GALNT13: variants seen among roughly 807,000 people sequenced by gnomAD.
GALNT13 encodes UDP-GalNAc:polypeptide N-acetylgalactosaminyltransferase 13.
In GALNT13, 28 loss-of-function variants were observed where a neutral mutation model predicts 64.2. The ratio of observed to expected loss-of-function variants is 0.44; its 90% CI spans 0.32 to 0.60. The LOEUF (loss-of-function observed/expected upper bound fraction) is 0.60, where lower values mean the gene tolerates loss of function less well. GALNT13 is among the 20% of genes least tolerant of loss of function. The probability of loss-of-function intolerance (pLI) is 0.05; values close to 1 mark genes in which losing one functional copy is unlikely to be tolerated. For missense variants in GALNT13, 577 were observed against 669.8 expected (o/e 0.86, Z 1.53); for synonymous variants, 214 against 224.6 (o/e 0.95, Z 0.42).
chr2:153,241,657 A>ATG, the GALNT13 span, among the ~76,000 whole-genome samples: 42,116 of 150,684 alleles, frequency 0.28, 5,973 homozygotes, highest in Middle Eastern at 0.36. Flanking sequence ...CTGTGTGTGT[A>ATG]TGTGTATGTG....
chr2:154,332,427 A>C (rs1039199992), intron 9 of GALNT13, among the ~76,000 whole-genome samples: 2 of 151,908 alleles, frequency 1.3e-5, no homozygotes, highest in East Asian at 3.9e-4. Flanking sequence ...CTATCCCACA[A>C]AAAAAAATTG....
At chr2:153,188,048 A>G in the GALNT13 span, among the ~76,000 whole-genome samples, 5 of 152,020 alleles carry the variant, frequency 3.3e-5, no homozygotes, top group African/African-American at 1.2e-4. Context: ...GTAATAAAAT[A>G]AAACTTTTTT....
chr2:153,692,815 A>G, the GALNT13 span, among the ~76,000 whole-genome samples: 1 of 152,162 alleles, frequency 6.6e-6, no homozygotes, highest in South Asian at 2.1e-4. Flanking sequence ...TTGAAAATGA[A>G]CAGGTTTCCT....
At chr2:154,404,247 G>A (rs1699427477) in intron 10 of GALNT13, among the ~76,000 whole-genome samples, 1 of 152,180 alleles carries the variant, frequency 6.6e-6, no homozygotes, top group Non-Finnish European at 1.5e-5. Context: ...AAATAGGATA[G>A]GCTTCTTTTC....
intron 3 of GALNT13, among the ~76,000 whole-genome samples, chr2:154,054,580 G>C (rs1186950069): frequency 6.6e-6 from 1 of 151,970 alleles, no homozygotes; most frequent in Admixed American, 6.5e-5. Flanking sequence ...TATAAATTGT[G>C]TGTGCAAGTA....
At chr2:153,646,409 A>T in the GALNT13 span, among the ~76,000 whole-genome samples, 1 of 150,820 alleles carries the variant, frequency 6.6e-6, no homozygotes, top group Non-Finnish European at 1.5e-5. Flanking sequence ...ACAATTCTGA[A>T]CTCTGTGCAA....
At chr2:153,184,662 GT>G in the GALNT13 span, among the ~76,000 whole-genome samples, 1 of 151,940 alleles carries the variant, frequency 6.6e-6, no homozygotes, top group African/African-American at 2.4e-5. Flanking sequence ...TTTATTGAGA[GT>G]TTTTTTAACA....
the GALNT13 span, among the ~76,000 whole-genome samples, chr2:153,359,629 G>GAAAAAAAAAAAAAAAA: frequency 1.1e-4 from 1 of 8,926 alleles, no homozygotes; most frequent in Non-Finnish European, 2.1e-4. Context: ...CCAGCTTTCA[G>GAAAAAAAAAAAAAAAA]CAAAAAAAAA....
chr2:153,540,125 C>T, the GALNT13 span, among the ~76,000 whole-genome samples: 16 of 152,308 alleles, frequency 1.1e-4, no homozygotes, highest in East Asian at 2.7e-3. Context: ...AGGAATAAAT[C>T]GGTTCTGTGG....
chr2:153,297,262 T>G, the GALNT13 span, among the ~76,000 whole-genome samples: 1 of 152,202 alleles, frequency 6.6e-6, no homozygotes, highest in Non-Finnish European at 1.5e-5. Flanking sequence ...TGTTTTAGTG[T>G]TAATGAGCAT....
chr2:154,279,939 CA>C (rs570657811), intron 8 of GALNT13, among the ~76,000 whole-genome samples: 100 of 145,452 alleles, frequency 6.9e-4, no homozygotes, highest in African/African-American at 1.8e-3. Flanking sequence ...CTCTATATAG[CA>C]AAAAAAAAAG....
intron 3 of GALNT13, among the ~76,000 whole-genome samples, chr2:153,970,596 T>C (rs1203657454): frequency 1.3e-5 from 2 of 152,160 alleles, no homozygotes. Context: ...GTTATACTCC[T>C]CTCCTAATTT....
intron 4 of GALNT13, among the ~76,000 whole-genome samples, chr2:154,153,641 G>A (rs1005531094): frequency 2.6e-5 from 4 of 152,158 alleles, no homozygotes; most frequent in Admixed American, 1.3e-4. Flanking sequence ...AATGGCGGGC[G>A]CCCCTCTCCC....
At chr2:153,178,879 C>T in the GALNT13 span, among the ~76,000 whole-genome samples, 7 of 149,918 alleles carry the variant, frequency 4.7e-5, no homozygotes, top group Admixed American at 6.7e-5. Context: ...GGACCAGAGG[C>T]GTGCACAACC....
the GALNT13 span, among the ~76,000 whole-genome samples, chr2:153,349,773 G>T: frequency 1.4e-4 from 21 of 151,946 alleles, no homozygotes; most frequent in Non-Finnish European, 2.5e-4. Context: ...TGGATGCAGG[G>T]CGTTTCTCTT....
the GALNT13 span, among the ~76,000 whole-genome samples, chr2:153,581,232 A>C: frequency 6.6e-6 from 1 of 152,228 alleles, no homozygotes; most frequent in East Asian, 1.9e-4. Context: ...TGAGTTATAA[A>C]ATAATTCTCT....
At chr2:154,325,696 CAA>C (rs968514739) in intron 9 of GALNT13, among the ~76,000 whole-genome samples, 3 of 152,122 alleles carry the variant, frequency 2.0e-5, no homozygotes, top group South Asian at 2.1e-4. Context: ...ATGTCACAAA[CAA>C]GAGTAATTGA....
At chr2:153,798,291 A>G in the GALNT13 span, among the ~76,000 whole-genome samples, 1 of 152,210 alleles carries the variant, frequency 6.6e-6, no homozygotes, top group African/African-American at 2.4e-5. Context: ...CAAATTATTT[A>G]GTTTCCAATT....
At chr2:153,678,212 TA>T in the GALNT13 span, among the ~76,000 whole-genome samples, 1 of 150,900 alleles carries the variant, frequency 6.6e-6, no homozygotes, top group African/African-American at 2.4e-5. Context: ...GATTCTGCCA[TA>T]AAGGCACATG....
Sources: allele counts gnomAD v4.1 joint callset (sites outside exome capture counted in the v4.1 genomes callset), GRCh38; gene constraint gnomAD v4.1.1; transcripts MANE v1.5; gene names NCBI Gene and HGNC (gene_info 2026-07-23, HGNC 2026-07-21).